The following SMPD3 variants were observed in gnomAD, a reference collection of about 807,000 sequenced individuals.
The protein encoded by SMPD3 is sphingomyelin phosphodiesterase 3, also known as nSMase-2.
Under a neutral mutation model 55.7 loss-of-function variants are expected in SMPD3, and 21 were observed. The ratio of observed to expected loss-of-function variants is 0.38; its 90% CI spans 0.27 to 0.54. The LOEUF is 0.54. Ranked by LOEUF, SMPD3 falls within the 20% of genes least tolerant of loss-of-function variation. SMPD3 has a pLI of 0.80. For synonymous variants in SMPD3, 457 were observed against 404.3 expected (o/e 1.13, Z -1.56); for missense variants, 842 against 899.6 (o/e 0.94, Z 0.82).
At chr16:68,376,066 T>C (rs1007645434) in intron 2 of SMPD3, among the ~76,000 whole-genome samples, 1 of 152,264 alleles carries the variant, frequency 6.6e-6, no homozygotes, top group Non-Finnish European at 1.5e-5. Context: ...GGAGCTAGTT[T>C]CTAAGGCTCT....
rs2090234387 is a variant in SMPD3 at position 68,404,184 on chromosome 16, T to A, written c.-268-17525A>T. On this transcript the variant is annotated intron_variant, in intron 1 of 8. Coordinates refer to ENST00000219334, the MANE Select transcript of SMPD3 (RefSeq NM_018667.4). The surrounding 1 kb of genome is among the most constrained non-coding windows in gnomAD (Gnocchi z 4.0). ...AGTGCACACCACCACGCCCAGCTAA[T>A]TTTTTTTTTTTTTTTTTGAGATGGA... 8.5e-6 allele frequency among the ~76,000 whole-genome samples: 1 copy of A among 117,650 alleles called. No individual in the cohort carries two copies. The highest frequency in any genetic ancestry group is 3.1e-5 in the African/African-American group (1 of 32,630). The allele number at this position is 117,650 out of a possible 152,430, so 77.2% of individuals were successfully genotyped here.
chr16:68,385,339 C>G (rs1346395676), intron 2 of SMPD3, among the ~76,000 whole-genome samples: 1 of 152,184 alleles, frequency 6.6e-6, no homozygotes, highest in Non-Finnish European at 1.5e-5. Context: ...ACCACCCTTA[C>G]TTCCAGGACA....
intron 1 of SMPD3, among the ~76,000 whole-genome samples, chr16:68,430,066 G>A (rs924700982): frequency 6.6e-6 from 1 of 152,184 alleles, no homozygotes; most frequent in African/African-American, 2.4e-5. Context: ...GCAGAGTGGG[G>A]TTGGAGTGGG....
chr16:68,389,048 G>A lies in SMPD3; in HGVS notation c.-268-2389C>T, dbSNP rs574123491. Among the ~76,000 whole-genome samples the A allele has an allele frequency of 1.1e-3, 169 of 152,286 alleles. 1 individual carries two copies. The highest frequency in any genetic ancestry group is 7.1e-4 in the Non-Finnish European group (48 of 68,026). On this transcript the variant is annotated intron_variant, in intron 1 of 8. Transcript: ENST00000219334. ...CCTGCTCAGCATCATCATTCAAAACGCACCGGTAGGAAATGGTGAAACAGA... is the reference window on the plus strand; with the variant it reads ...CCTGCTCAGCATCATCATTCAAAACACACCGGTAGGAAATGGTGAAACAGA...
At chr16:68,374,416 G>A (rs955811134) in intron 2 of SMPD3, among the ~76,000 whole-genome samples, 1 of 151,864 alleles carries the variant, frequency 6.6e-6, no homozygotes, top group African/African-American at 2.4e-5. Flanking sequence ...CACTGGACGG[G>A]TGCAGTTTGG....
In SMPD3 at chr16:68,361,318, T is replaced by G. The variant is rs746727776; in HGVS notation, c.1867-11A>C. The G allele has an allele frequency of 4.4e-6, 7 of 1,604,638 alleles. No homozygotes were observed. The highest frequency in any genetic ancestry group is 6.0e-6 in the Non-Finnish European group (7 of 1,175,692). ...GAATTCTTCCACCTCCTGGGGTGAG[T>G]GGGAGAGGGGAGAAACAGCCTGGTC... On this transcript the variant is annotated splice_polypyrimidine_tract_variant and intron_variant, in intron 8 of 8. Transcript: ENST00000219334.
rs778492516 is a variant in SMPD3, at chr16:68,370,902, C to A, written c.1280G>T (p.Cys427Phe). The A allele has an allele frequency of 2.5e-6, 4 of 1,614,124 alleles. No homozygotes were observed. Among genetic ancestry groups the A allele is most frequent in the Non-Finnish European group, 3.4e-6 (4 of 1,179,988 alleles). ...CTTAGAGGCCAGGGCATCGTCGTTA[C>A]ACTTGTTGGGGTAACAGTGATAGGC... Reference protein sequence around the residue: ...DVAYHCYPNKCNDDALASKGA... With the variant: ...DVAYHCYPNKFNDDALASKGA... The change falls in exon 3 of 9, where the codon TGT becomes TTT. Residue 427 changes from cysteine to phenylalanine, a missense_variant. Coordinates refer to ENST00000219334, the MANE Select transcript of SMPD3 (RefSeq NM_018667.4).
Position 68,372,348 on chromosome 16 carries a change from G to T in SMPD3, c.-167C>A. 1.2e-6 allele frequency: 1 copy of T among 866,960 alleles called. No homozygotes were observed. The highest frequency in any genetic ancestry group is 1.8e-6 in the Non-Finnish European group (1 of 560,526). The allele number at this position is 866,960 out of a possible 1,614,324, so 53.7% of individuals were successfully genotyped here. A position where few individuals can be genotyped will look rare whatever the true frequency, so the allele number is the denominator to read the frequency against. On this transcript the variant is annotated 5_prime_UTR_variant, in exon 3 of 9. Coordinates refer to ENST00000219334, the MANE Select transcript of SMPD3 (RefSeq NM_018667.4). Reference sequence around the variant, plus strand: ...TGGCGAATGTTGGCCAGCCGGTCATGGTTCACCTCGGTGGGCCATGCGGAG... The same window carrying T: ...TGGCGAATGTTGGCCAGCCGGTCATTGTTCACCTCGGTGGGCCATGCGGAG...
chr16:68,362,975 T>C (rs533166854), intron 7 of SMPD3, among the ~76,000 whole-genome samples: 1 of 152,372 alleles, frequency 6.6e-6, no homozygotes, highest in South Asian at 2.1e-4. Context: ...GCTGTTGGCC[T>C]CTCAGATGTG....
chr16:68,409,439 G>T (rs2090280789), intron 1 of SMPD3, among the ~76,000 whole-genome samples: 1 of 152,168 alleles, frequency 6.6e-6, no homozygotes, highest in East Asian at 1.9e-4. Context: ...TGGGATTTGG[G>T]TAAGTCAGGT....
chr16:68,417,055 C>T (rs2090345507), intron 1 of SMPD3, among the ~76,000 whole-genome samples: 1 of 152,144 alleles, frequency 6.6e-6, no homozygotes, highest in East Asian at 1.9e-4. Flanking sequence ...GGGGACATCT[C>T]ACAGCTGTGT....
At position 68,361,622 on chromosome 16, in the gene SMPD3, A is replaced by C. The variant is rs2089273219; in HGVS notation, c.1847T>G (p.Leu616Arg). The change falls in exon 8 of 9, where the codon CTG (leucine) becomes CGG (arginine). Residue 616 changes from leucine (L) to arginine (R), a missense_variant. Coordinates refer to ENST00000219334, the MANE Select transcript of SMPD3 (RefSeq NM_018667.4). Reference protein sequence around the residue: ...IDYMLHAEEGLCPDWKAEVEE... With the variant: ...IDYMLHAEEGRCPDWKAEVEE... ...ACTCACGGCCTTCCAGTCTGGGCAC[A>C]GCCCCTCCTCTGCATGCAGCATGTA... 1 of 1,609,410 alleles carries C rather than the reference A, an allele frequency of 6.2e-7. No individual in the cohort carries two copies.
intron 1 of SMPD3, among the ~76,000 whole-genome samples, chr16:68,410,811 A>G (rs1281325167): frequency 6.6e-6 from 1 of 152,250 alleles, no homozygotes; most frequent in African/African-American, 2.4e-5. Flanking sequence ...GTTACAAGTA[A>G]TTTAGGTAAA....
At position 68,371,552 on chromosome 16, in the gene SMPD3, C is replaced by T. The variant is rs768966950; in HGVS notation, c.630G>A (p.Val210=). Residue 210 remains valine, a synonymous_variant, in exon 3 of 9, where the codon GTG becomes GTA. Coordinates refer to ENST00000219334, the MANE Select transcript of SMPD3 (RefSeq NM_018667.4). Reference sequence around the variant, plus strand: ...GCCGCCCACCGTCACCCTTGTACTCCACAGAGGCTGTCCTCTTAATGCTCC... The same window carrying T: ...GCCGCCCACCGTCACCCTTGTACTCTACAGAGGCTGTCCTCTTAATGCTCC... ...VPGSIKRTAS[V]EYKGDGGRHP... The T allele has an allele frequency of 5.6e-6, 9 of 1,597,238 alleles. No homozygotes were observed. Among genetic ancestry groups the T allele is most frequent in the Non-Finnish European group, 7.7e-6 (9 of 1,175,684 alleles).
intron 2 of SMPD3, among the ~76,000 whole-genome samples, chr16:68,379,624 G>A (rs1212258419): frequency 2.0e-5 from 3 of 152,182 alleles, no homozygotes; most frequent in Non-Finnish European, 2.9e-5. Flanking sequence ...CAGGGCCTCC[G>A]TCTCCTCGCA....
chr16:68,433,490 G>C (rs939395399), intron 1 of SMPD3, among the ~76,000 whole-genome samples: 1 of 152,236 alleles, frequency 6.6e-6, no homozygotes, highest in East Asian at 1.9e-4. Context: ...TAGCACATAA[G>C]GGGGAGCTAC....
Position 68,365,057 on chromosome 16 carries a change from G to C in SMPD3, c.1359C>G (p.Ile453Met). The change falls in exon 4 of 9, where the codon ATC (isoleucine) becomes ATG (methionine). Residue 453 changes from isoleucine to methionine, a missense_variant. This residue lies in a region of SMPD3 where 649 missense variants were observed against 643.6 expected (regional missense o/e 1.01). Coordinates refer to ENST00000219334, the MANE Select transcript of SMPD3 (RefSeq NM_018667.4). Reference sequence around the variant, plus strand: ...GGTGTGTGCAGGCGATGTACCCGACGATTCTTTGGTCCTGAGGTGTGCTTC... The same window carrying C: ...GGTGTGTGCAGGCGATGTACCCGACCATTCTTTGGTCCTGAGGTGTGCTTC... ...QVGSTPQDQR[I>M]VGYIACTHLH... is the part of the protein sequence containing the mutation. 1.2e-6 allele frequency: 2 copies of C among 1,614,106 alleles called. No homozygotes were observed. The highest frequency in any genetic ancestry group is 2.2e-5 in the South Asian group (2 of 91,078).
At chr16:68,423,161 T>A (rs2090409274) in intron 1 of SMPD3, among the ~76,000 whole-genome samples, 1 of 152,088 alleles carries the variant, frequency 6.6e-6, no homozygotes, top group African/African-American at 2.4e-5. Flanking sequence ...TTGACCAAGG[T>A]TTTCTGGCCT....
chr16:68,424,518 T>C (rs550180759), intron 1 of SMPD3, among the ~76,000 whole-genome samples: 1 of 152,134 alleles, frequency 6.6e-6, no homozygotes, highest in Non-Finnish European at 1.5e-5. Context: ...ATTTTACTTA[T>C]GAACCCCAAT....
Sources: gnomAD v4.1 joint callset for allele counts (sites outside exome capture counted in the v4.1 genomes callset) on GRCh38, gnomAD v4.1.1 for gene constraint, gnomAD v4.1.1 regional missense constraint, Gnocchi (gnomAD v3.1) non-coding constraint, MANE v1.5 for transcripts, NCBI Gene and HGNC (gene_info 2026-07-23, HGNC 2026-07-21) for gene names.